BLTP1: variants seen among roughly 807,000 people sequenced by gnomAD.
BLTP1 encodes fragile site-associated protein.
the BLTP1 span, chr4:122,209,800 C>G: frequency 1.2e-6 from 2 of 1,611,524 alleles, no homozygotes; most frequent in Non-Finnish European, 8.5e-7. Context: ...TAGAAACTGT[C>G]TGTTTTACTC....
At chr4:122,186,823 C>G in the BLTP1 span, among the ~76,000 whole-genome samples, 3 of 151,918 alleles carry the variant, frequency 2.0e-5, 1 homozygote, top group Non-Finnish European at 4.4e-5. Flanking sequence ...CATAGCCACA[C>G]CTATTTATTT....
chr4:122,240,345 A>C, the BLTP1 span: 1 of 1,613,008 alleles, frequency 6.2e-7, no homozygotes, highest in Admixed American at 1.7e-5. Flanking sequence ...TTCTGTTCCA[A>C]CTTTTAAGGT....
the BLTP1 span, among the ~76,000 whole-genome samples, chr4:122,228,049 G>A: frequency 1.3e-5 from 2 of 151,742 alleles, no homozygotes; most frequent in Non-Finnish European, 2.9e-5. Context: ...GAGTAGCTGG[G>A]ACTACAGGCG....
At chr4:122,196,739 G>A in the BLTP1 span, 4 of 1,609,800 alleles carry the variant, frequency 2.5e-6, no homozygotes, top group South Asian at 1.1e-5. Context: ...TTTGAATTAC[G>A]AATGAATATT....
chr4:122,255,082 GC>G, the BLTP1 span: 6 of 1,543,570 alleles, frequency 3.9e-6, no homozygotes, highest in South Asian at 7.3e-5. Flanking sequence ...TTATTTGTAG[GC>G]TCTTTCATAC....
the BLTP1 span, chr4:122,316,302 T>C: frequency 2.3e-6 from 1 of 429,982 alleles, no homozygotes; most frequent in Admixed American, 2.8e-5. Flanking sequence ...AGTTTTGTTC[T>C]TGGGAAGAAA....
chr4:122,313,625 C>T, the BLTP1 span: 1 of 1,574,530 alleles, frequency 6.4e-7, no homozygotes, highest in Non-Finnish European at 8.6e-7. Flanking sequence ...GATTTTTGTA[C>T]AGGTGTAGTT....
the BLTP1 span, among the ~76,000 whole-genome samples, chr4:122,190,989 A>G: frequency 6.6e-6 from 1 of 152,198 alleles, no homozygotes; most frequent in Non-Finnish European, 1.5e-5. Context: ...TTGCTTTAAC[A>G]CTAATCAAGG....
At chr4:122,281,586 C>A in the BLTP1 span, 1 of 1,611,988 alleles carries the variant, frequency 6.2e-7, no homozygotes, top group Admixed American at 1.7e-5. Context: ...TCTGAAAAAA[C>A]CCCAACAAGT....
At chr4:122,292,752 C>A in the BLTP1 span, 1 of 257,168 alleles carries the variant, frequency 3.9e-6, no homozygotes, top group Non-Finnish European at 6.1e-6. Flanking sequence ...CCTATCCAAC[C>A]AACTTGTATA....
chr4:122,278,084 A>G, the BLTP1 span, among the ~76,000 whole-genome samples: 1 of 152,072 alleles, frequency 6.6e-6, no homozygotes. Flanking sequence ...TTGTTTCTTC[A>G]TTGTATAAAC....
chr4:122,308,592 G>A, the BLTP1 span, among the ~76,000 whole-genome samples: 3 of 152,016 alleles, frequency 2.0e-5, no homozygotes, highest in Non-Finnish European at 4.4e-5. Context: ...CTTTTATACT[G>A]TAATATTTAA....
chr4:122,343,456 T>C, the BLTP1 span: 29 of 1,613,936 alleles, frequency 1.8e-5, no homozygotes, highest in Non-Finnish European at 2.3e-5. Context: ...GACATAGTAG[T>C]AGTCAGTCAG....
At chr4:122,268,334 A>G in the BLTP1 span, among the ~76,000 whole-genome samples, 1 of 152,202 alleles carries the variant, frequency 6.6e-6, no homozygotes, top group Non-Finnish European at 1.5e-5. Flanking sequence ...AATACAGAAC[A>G]AGGAGCTTTT....
chr4:122,309,682 T>A, the BLTP1 span, among the ~76,000 whole-genome samples: 6 of 152,240 alleles, frequency 3.9e-5, no homozygotes, highest in East Asian at 1.2e-3. Flanking sequence ...TTTGGTACTA[T>A]AACATTTGAA....
the BLTP1 span, among the ~76,000 whole-genome samples, chr4:122,266,208 T>C: frequency 9.8e-5 from 15 of 152,312 alleles, no homozygotes; most frequent in Admixed American, 2.0e-4. Flanking sequence ...GTGTCTGAAA[T>C]TCAGTTAACT....
At chr4:122,336,397 G>A in the BLTP1 span, 1 of 1,322,190 alleles carries the variant, frequency 7.6e-7, no homozygotes, top group East Asian at 2.4e-5. Flanking sequence ...TATATTTTGG[G>A]ATCTTATTAT....
At chr4:122,313,486 A>G in the BLTP1 span, 1 of 459,480 alleles carries the variant, frequency 2.2e-6, no homozygotes, top group Non-Finnish European at 3.7e-6. Flanking sequence ...CTTTCATTCC[A>G]AAGATTAAGA....
chr4:122,230,328 C>T, the BLTP1 span: 12 of 820,538 alleles, frequency 1.5e-5, no homozygotes, highest in African/African-American at 1.0e-4. Context: ...AAAGACCTAA[C>T]ATGATTGTGC....
Sources: allele counts gnomAD v4.1 joint callset (sites outside exome capture counted in the v4.1 genomes callset), GRCh38; gene constraint gnomAD v4.1.1; transcripts MANE v1.5; gene names NCBI Gene and HGNC (gene_info 2026-07-23, HGNC 2026-07-21).